Variants in CACUL1 observed in about 807,000 individuals in gnomAD.
CACUL1 encodes CDK2 associated cullin domain 1.
CACUL1 carries 13 observed loss-of-function variants against 45.2 expected under a neutral mutation model. The ratio of observed to expected loss-of-function variants is 0.29; its 90% CI spans 0.19 to 0.46. The LOEUF is 0.46. Among genes scored for constraint, CACUL1 ranks in the 20% least tolerant of loss-of-function variants. The pLI is 1.00. For synonymous variants in CACUL1, 197 were observed against 174.2 expected (o/e 1.13, Z -1.03); for missense variants, 421 against 471.4 (o/e 0.89, Z 0.99).
At chr10:118,724,200 A>C (rs1845629092) in intron 3 of CACUL1, among the ~76,000 whole-genome samples, 1 of 152,148 alleles carries the variant, frequency 6.6e-6, no homozygotes, top group African/African-American at 2.4e-5. Context: ...TTTATTACCC[A>C]ACCCCCACAA....
At chr10:118,728,916 A>C (rs894255824) in intron 3 of CACUL1, among the ~76,000 whole-genome samples, 1 of 152,192 alleles carries the variant, frequency 6.6e-6, no homozygotes, top group Non-Finnish European at 1.5e-5. Flanking sequence ...TCAGTAGGCA[A>C]ACCACTCTTC....
At chr10:118,739,461 C>T (rs1308408068) in intron 1 of CACUL1, among the ~76,000 whole-genome samples, 1 of 152,126 alleles carries the variant, frequency 6.6e-6, no homozygotes, top group Non-Finnish European at 1.5e-5. Flanking sequence ...TTTTAATATG[C>T]GTGCTTAAAG....
chr10:118,695,364 G>A, intron 5 of CACUL1, 134 bp from the exon 6 acceptor site: 1 of 585,004 alleles, frequency 1.7e-6, no homozygotes, highest in South Asian at 1.9e-5. Flanking sequence ...CCAATCAAAT[G>A]TTTATATACT....
At chr10:118,700,716 CAAAAA>C (rs59032746) in intron 5 of CACUL1, among the ~76,000 whole-genome samples, 25 of 132,924 alleles carry the variant, frequency 1.9e-4, no homozygotes, top group Non-Finnish European at 3.1e-4. Flanking sequence ...GACTCCGTCT[CAAAAA>C]AAAAAAAAAA....
At chr10:118,696,581 T>C (rs1845325585) in intron 5 of CACUL1, among the ~76,000 whole-genome samples, 1 of 152,212 alleles carries the variant, frequency 6.6e-6, no homozygotes, top group Non-Finnish European at 1.5e-5. Context: ...AGGCGGAGGC[T>C]GCAGTGAGCC....
chr10:118,696,321 A>T (rs1413707208), intron 5 of CACUL1, among the ~76,000 whole-genome samples: 10 of 151,552 alleles, frequency 6.6e-5, no homozygotes, highest in South Asian at 2.1e-4. Context: ...TGATGAGCTT[A>T]AAAAAAAATT....
intron 3 of CACUL1, among the ~76,000 whole-genome samples, chr10:118,714,593 A>C (rs561390196): frequency 6.6e-6 from 1 of 152,340 alleles, no homozygotes; most frequent in Admixed American, 6.5e-5. Flanking sequence ...ACCAAAGTCT[A>C]ACCGTAGTTT....
Position 118,676,870 on chromosome 10 carries a change from A to T in CACUL1, c.*9258T>A, listed in dbSNP as rs398045805. The T allele has an allele frequency of 2.4e-5, 3 of 126,716 alleles. No homozygotes were observed. The highest frequency in any genetic ancestry group is 6.0e-5 in the African/African-American group (2 of 33,490). 7.8% of individuals were successfully genotyped at this position (126,716 alleles called of 1,614,324 possible). Reference sequence around the variant, plus strand: ...CACACACACACACACACACACACACACACTGGGGTGTGCACACTACGGCAT... The same window carrying T: ...CACACACACACACACACACACACACTCACTGGGGTGTGCACACTACGGCAT... On this transcript the variant is annotated 3_prime_UTR_variant, in exon 9 of 9. Transcript: ENST00000369151.
At chr10:118,690,549 T>A (rs908769395) in intron 7 of CACUL1, among the ~76,000 whole-genome samples, 1 of 152,162 alleles carries the variant, frequency 6.6e-6, no homozygotes, top group Non-Finnish European at 1.5e-5. Context: ...GATGCCCTAC[T>A]TAAGAAGAAA....
chr10:118,712,187 T>G (rs1845492144), intron 3 of CACUL1, among the ~76,000 whole-genome samples: 1 of 152,236 alleles, frequency 6.6e-6, no homozygotes, highest in Non-Finnish European at 1.5e-5. Context: ...CGCCTTTACC[T>G]GAGTTTTGCT....
intron 2 of CACUL1, among the ~76,000 whole-genome samples, 190 bp from the exon 3 acceptor site, chr10:118,729,587 C>T (rs920810059): frequency 4.6e-5 from 7 of 152,168 alleles, no homozygotes; most frequent in Admixed American, 3.3e-4. Flanking sequence ...AAGATAGTAC[C>T]ATCTGCTATA....
At chr10:118,711,366 C>T (rs117009110) in intron 3 of CACUL1, among the ~76,000 whole-genome samples, 3,231 of 152,328 alleles carry the variant, frequency 0.021, 209 homozygotes, top group East Asian at 0.19. Flanking sequence ...AGCCGTGAGC[C>T]ACCGCACCTG....
Position 118,681,953 on chromosome 10 carries a change from CA to C in CACUL1, c.*4174del. 1 of 152,310 alleles carries C rather than the reference CA, an allele frequency of 6.6e-6. No homozygotes were observed. The highest frequency in any genetic ancestry group is 1.9e-4 in the East Asian group (1 of 5,184). The allele number at this position is 152,310 out of a possible 1,614,324, so 9.4% of individuals were successfully genotyped here. On this transcript the variant is annotated 3_prime_UTR_variant, in exon 9 of 9. Transcript: ENST00000369151. ...AACTTCAGTGGGGTAATGAAAGAAA[CA>C]GGAGAGCCATTTCTCCAGGAACTCC...
intron 3 of CACUL1, among the ~76,000 whole-genome samples, chr10:118,726,938 T>G (rs1845657251): frequency 1.3e-5 from 2 of 152,310 alleles, no homozygotes; most frequent in South Asian, 4.1e-4. Flanking sequence ...CCGCTGCTAT[T>G]TAATAATGGT....
In CACUL1 at chr10:118,703,829, ATCT is replaced by A. The variant is rs575368079; in HGVS notation, c.694-2424_694-2422del. Among the ~76,000 whole-genome samples the A allele has an allele frequency of 2.1e-3, 322 of 152,202 alleles. 1 individual carries two copies. The highest frequency in any genetic ancestry group is 3.6e-3 in the Non-Finnish European group (245 of 67,984). On this transcript the variant is annotated intron_variant, in intron 4 of 8. Coordinates refer to ENST00000369151, the MANE Select transcript of CACUL1 (RefSeq NM_153810.5). The stretch of plus-strand genomic sequence containing the variant: ...TATTGGGTATATTTTCATGTTTATA[ATCT>A]TTTTTTTCTATGAACTGTCTGTTCA...
intron 6 of CACUL1, 37 bp downstream of exon 6, chr10:118,695,104 A>G (rs2119559062): frequency 8.1e-7 from 1 of 1,228,620 alleles, no homozygotes; most frequent in Non-Finnish European, 1.2e-6. Context: ...GGCTGTAACA[A>G]ACAGTTCCAA....
At chr10:118,707,711 A>G (rs546718802) in intron 3 of CACUL1, 124 bp from the exon 4 acceptor site, 2 of 531,390 alleles carry the variant, frequency 3.8e-6, no homozygotes, top group Admixed American at 7.3e-5. Flanking sequence ...CAAAAAAAAA[A>G]AAAAAGGAAG....
intron 8 of CACUL1, 106 bp from the exon 9 acceptor site, chr10:118,686,274 C>CA (rs1425281140): frequency 2.1e-6 from 2 of 968,004 alleles, no homozygotes; most frequent in Non-Finnish European, 1.6e-6. Flanking sequence ...CCCAACTCCC[C>CA]AAAAAAGGCT....
chr10:118,729,508 C>G lies in CACUL1; in HGVS notation c.495-111G>C, dbSNP rs1261953178. The G allele has an allele frequency of 4.4e-5, 32 of 720,186 alleles. No homozygotes were observed. In the South Asian group the frequency reaches 5.1e-4, roughly 12 times the overall value. The allele number at this position is 720,186 out of a possible 1,614,324, so 44.6% of individuals were successfully genotyped here. The stretch of plus-strand genomic sequence containing the variant: ...TAACCACTGATCCAATAATTCATAC[C>G]TTCAAAAAGTAACCAATCACAACTT... On this transcript the variant is annotated intron_variant, in intron 2 of 8. Transcript: ENST00000369151.
Sources: allele counts gnomAD v4.1 joint callset (sites outside exome capture counted in the v4.1 genomes callset), GRCh38; gene constraint gnomAD v4.1.1; transcripts MANE v1.5; gene names NCBI Gene and HGNC (gene_info 2026-07-23, HGNC 2026-07-21).